The following RIMS1 variants were observed in gnomAD, a reference collection of about 807,000 sequenced individuals.
The protein encoded by RIMS1 is regulating synaptic membrane exocytosis protein 1.
In RIMS1, 83 loss-of-function variants were observed where a neutral mutation model predicts 214.1. The ratio of observed to expected loss-of-function variants is 0.39; its 90% CI spans 0.32 to 0.47. The LOEUF is 0.47. RIMS1 is among the 20% of genes least tolerant of loss of function. RIMS1 has a pLI of 0.99. For synonymous variants in RIMS1, 793 were observed against 786.8 expected (o/e 1.01, Z -0.13); for missense variants, 2,050 against 2,161.8 (o/e 0.95, Z 1.03).
chr6:72,184,763 GAA>G (rs397967233), intron 6 of RIMS1, among the ~76,000 whole-genome samples: 3 of 137,262 alleles, frequency 2.2e-5, no homozygotes, highest in African/African-American at 7.9e-5. Context: ...TTTATTCTGG[GAA>G]AAAAAAAAAA....
intron 2 of RIMS1, among the ~76,000 whole-genome samples, chr6:71,991,316 C>T (rs1316337847): frequency 1.3e-5 from 2 of 152,076 alleles, no homozygotes; most frequent in African/African-American, 4.8e-5. Flanking sequence ...TTCCCCAGAA[C>T]ATCTGAACAT....
At position 72,252,954 on chromosome 6, in the gene RIMS1, A is replaced by G. The variant is rs2074129707; in HGVS notation, c.2770+122A>G. The G allele has an allele frequency of 1.0e-5, 7 of 684,448 alleles. No homozygotes were observed. In the South Asian group the frequency reaches 1.4e-4, roughly 14 times the overall value. The allele number at this position is 684,448 out of a possible 1,614,324, so 42.4% of individuals were successfully genotyped here. On this transcript the variant is annotated intron_variant, in intron 16 of 33. Transcript: ENST00000521978. Reference sequence around the variant, plus strand: ...TATAGCACAGAGAAATCAGTATTATATTATTCCATGGTGACTTACATTTCA... The same window carrying G: ...TATAGCACAGAGAAATCAGTATTATGTTATTCCATGGTGACTTACATTTCA...
chr6:72,118,272 C>T (rs1359500014), intron 4 of RIMS1, among the ~76,000 whole-genome samples: 1 of 150,602 alleles, frequency 6.6e-6, no homozygotes, highest in Non-Finnish European at 1.5e-5. Flanking sequence ...TGGTATCTGC[C>T]ATTATAGGAG....
chr6:72,182,795 A>C lies in RIMS1; in HGVS notation c.1324A>C (p.Lys442Gln), dbSNP rs748842760. ...TGCGGAGACCAGGGCGCCGGGCGCC[A>C]AGCAGCTAACGAACCACAGCCCGCC... Reference protein sequence around the residue: ...RTAETRAPGAKQLTNHSPPAP... With the variant: ...RTAETRAPGAQQLTNHSPPAP... The change falls in exon 6 of 34, where the codon AAG becomes CAG. Residue 442 changes from lysine to glutamine, a missense_variant. Lys to Gln is a moderately conservative substitution (Grantham distance 53, BLOSUM62 1). Around this residue, in one of 6 missense-constraint regions of RIMS1, gnomAD observed 882 missense variants for 828.9 expected, o/e 1.06. Transcript: ENST00000521978. The C allele has an allele frequency of 1.5e-5, 23 of 1,547,268 alleles. No individual in the cohort carries two copies. The highest frequency in any genetic ancestry group is 1.7e-4 in the Middle Eastern group (1 of 5,926).
At chr6:72,042,804 G>A (rs1412483133) in intron 2 of RIMS1, among the ~76,000 whole-genome samples, 1 of 151,616 alleles carries the variant, frequency 6.6e-6, no homozygotes, top group Non-Finnish European at 1.5e-5. Context: ...TGCAGACCAC[G>A]ATAAAAACTT....
At chr6:72,262,939 C>A (rs2078716291) in intron 19 of RIMS1, 1 of 477,926 alleles carries the variant, frequency 2.1e-6, no homozygotes, top group Non-Finnish European at 2.7e-6. Flanking sequence ...TTGTCAATTT[C>A]CTGACAATAA....
At chr6:72,019,250 T>C (rs1442525302) in intron 2 of RIMS1, among the ~76,000 whole-genome samples, 2 of 151,488 alleles carry the variant, frequency 1.3e-5, no homozygotes, top group African/African-American at 4.8e-5. Flanking sequence ...TATAGTGTAA[T>C]TGGCTTTCAA....
intron 1 of RIMS1, 149 bp downstream of exon 1, chr6:71,887,336 CG>C: frequency 9.9e-7 from 1 of 1,009,968 alleles, no homozygotes. Flanking sequence ...GCCAGGGGCG[CG>C]GGGCTTGAGC....
chr6:72,263,557 GA>G (rs200783702), intron 19 of RIMS1: 18 of 981,444 alleles, frequency 1.8e-5, no homozygotes, highest in Middle Eastern at 5.2e-4. Flanking sequence ...TCCCATTCTT[GA>G]AAAAAAAATC....
intron 29 of RIMS1, among the ~76,000 whole-genome samples, chr6:72,336,172 AGTCT>A (rs2154346253): frequency 6.6e-6 from 1 of 151,862 alleles, no homozygotes; most frequent in Admixed American, 6.6e-5. Context: ...TCAACTTTCC[AGTCT>A]GTCTTTTTCT....
intron 24 of RIMS1, among the ~76,000 whole-genome samples, chr6:72,287,872 G>A (rs115937028): frequency 1.7e-3 from 257 of 152,222 alleles, no homozygotes; most frequent in Middle Eastern, 6.9e-3. Flanking sequence ...GAGCCACCAC[G>A]CGCGGCCGCA....
intron 23 of RIMS1, 29 bp downstream of exon 23, chr6:72,274,461 G>A: frequency 6.4e-7 from 1 of 1,563,026 alleles, no homozygotes; most frequent in Non-Finnish European, 8.8e-7. Context: ...TCACAGACAA[G>A]TGGCTTCTAG....
At chr6:72,090,836 A>G (rs1233529179) in intron 2 of RIMS1, among the ~76,000 whole-genome samples, 1 of 152,160 alleles carries the variant, frequency 6.6e-6, no homozygotes, top group Non-Finnish European at 1.5e-5. Flanking sequence ...TAGACTAGCA[A>G]AACATTGAAT....
intron 24 of RIMS1, among the ~76,000 whole-genome samples, chr6:72,285,982 G>A (rs916012829): frequency 2.6e-5 from 4 of 152,114 alleles, no homozygotes; most frequent in Admixed American, 6.6e-5. Context: ...CAGATCATCT[G>A]AGGTCGGGAG....
At chr6:72,296,490 A>G (rs2094109118) in intron 26 of RIMS1, among the ~76,000 whole-genome samples, 1 of 151,926 alleles carries the variant, frequency 6.6e-6, no homozygotes, top group Non-Finnish European at 1.5e-5. Flanking sequence ...CATTAATTTT[A>G]TCTTTCTGAG....
intron 2 of RIMS1, among the ~76,000 whole-genome samples, chr6:71,985,403 T>C (rs1411761538): frequency 6.6e-6 from 1 of 151,868 alleles, no homozygotes. Context: ...TAAAATAAAA[T>C]AAAATAGATA....
chr6:72,358,753 A>G (rs2097725955), intron 29 of RIMS1, among the ~76,000 whole-genome samples: 1 of 152,156 alleles, frequency 6.6e-6, no homozygotes, highest in Non-Finnish European at 1.5e-5. Context: ...AGCAAGAGGA[A>G]AGACACCTTT....
intron 28 of RIMS1, among the ~76,000 whole-genome samples, chr6:72,321,961 TAAG>T (rs2154316213): frequency 6.6e-6 from 1 of 152,218 alleles, no homozygotes; most frequent in South Asian, 2.1e-4. Context: ...CTCAATTTTA[TAAG>T]AAGACTAAAA....
At chr6:72,018,415 G>T (rs1813457143) in intron 2 of RIMS1, among the ~76,000 whole-genome samples, 1 of 152,042 alleles carries the variant, frequency 6.6e-6, no homozygotes, top group Non-Finnish European at 1.5e-5. Flanking sequence ...TGTTGGTAGG[G>T]GTGGAGGTTG....
Sources: gnomAD v4.1 joint callset for allele counts (sites outside exome capture counted in the v4.1 genomes callset) on GRCh38, gnomAD v4.1.1 for gene constraint, gnomAD v4.1.1 regional missense constraint, MANE v1.5 for transcripts, NCBI Gene and HGNC (gene_info 2026-07-23, HGNC 2026-07-21) for gene names.